Variants in LRRFIP2 observed in about 807,000 individuals in gnomAD.
LRRFIP2 encodes the protein leucine-rich repeat flightless-interacting protein 2.
A neutral mutation model predicts 125.9 loss-of-function variants in LRRFIP2; 109 were observed. That is an observed-to-expected ratio of 0.87 (90% CI 0.74 to 1.01). The LOEUF is 1.01. Among genes scored for constraint, LRRFIP2 ranks in the 50% least tolerant of loss-of-function variants. LRRFIP2 has a pLI of 0.00. For missense variants in LRRFIP2, 850 were observed against 862.3 expected, an observed-to-expected ratio of 0.99 and a Z score of 0.18; for synonymous variants, 291 against 293.1, an observed-to-expected ratio of 0.99 and a Z score of 0.07.
In LRRFIP2 at chr3:37,094,928, C is replaced by A; in HGVS notation, c.919-20G>T. 7.2e-7 allele frequency: 1 copy of A among 1,381,642 alleles called. No individual in the cohort carries two copies. Among genetic ancestry groups the A allele is most frequent in the South Asian group, 1.2e-5 (1 of 86,368 alleles). 85.6% of individuals were successfully genotyped at this position (1,381,642 alleles called of 1,614,324 possible). On this transcript the variant is annotated intron_variant, in intron 16 of 27. Transcript: ENST00000336686. ...TGAAGGCTAGAAAGAGAAATATGAC[C>A]CTTCTAAGTCTCATTTCTTTAAAAA... is the stretch of plus-strand genomic sequence containing the variant.
At chr3:37,069,385 T>A (rs2090754487) in intron 21 of LRRFIP2, among the ~76,000 whole-genome samples, 1 of 152,246 alleles carries the variant, frequency 6.6e-6, no homozygotes, top group South Asian at 2.1e-4. Flanking sequence ...GGAATATGAT[T>A]CAGCCTTAAA....
At chr3:37,086,045 A>G (rs945754029) in intron 18 of LRRFIP2, among the ~76,000 whole-genome samples, 1 of 152,232 alleles carries the variant, frequency 6.6e-6, no homozygotes, top group Non-Finnish European at 1.5e-5. Context: ...CACACAAATC[A>G]ATTTAAAAAT....
At chr3:37,065,789 A>G (rs2090009949) in intron 23 of LRRFIP2, 21 bp downstream of exon 23, 3 of 1,614,082 alleles carry the variant, frequency 1.9e-6, no homozygotes, top group South Asian at 1.1e-5. Context: ...ATCCAAGTCA[A>G]CATAGCAACC....
chr3:37,124,132 T>G (rs201562380), intron 4 of LRRFIP2, among the ~76,000 whole-genome samples: 13 of 152,158 alleles, frequency 8.5e-5, no homozygotes, highest in East Asian at 1.9e-4. Flanking sequence ...CATGGAAATA[T>G]TCTATATTTG....
At chr3:37,112,202 G>GGC (rs2094570006) in intron 8 of LRRFIP2, among the ~76,000 whole-genome samples, 1 of 152,018 alleles carries the variant, frequency 6.6e-6, no homozygotes, top group East Asian at 1.9e-4. Flanking sequence ...CAGGAAGAGT[G>GGC]GCACATGCCT....
intron 1 of LRRFIP2, among the ~76,000 whole-genome samples, chr3:37,168,553 TG>T (rs1459335363): frequency 2.0e-5 from 3 of 152,204 alleles, no homozygotes. Flanking sequence ...GGGCAGAGCT[TG>T]TTTAGGATGA....
chr3:37,094,936 G>A, intron 16 of LRRFIP2, 28 bp from the exon 17 acceptor site: 1 of 1,345,666 alleles, frequency 7.4e-7, no homozygotes, highest in Middle Eastern at 1.9e-4. Context: ...ACCCTTCTAA[G>A]TCTCATTTCT....
chr3:37,173,707 T>G (rs1210729695), intron 1 of LRRFIP2, among the ~76,000 whole-genome samples: 1 of 152,312 alleles, frequency 6.6e-6, no homozygotes, highest in East Asian at 1.9e-4. Flanking sequence ...AAGAATTATT[T>G]TTTTCTATAT....
chr3:37,088,155 A>G (rs548067832), intron 18 of LRRFIP2, among the ~76,000 whole-genome samples: 1 of 152,284 alleles, frequency 6.6e-6, no homozygotes, highest in Non-Finnish European at 1.5e-5. Flanking sequence ...TCACAACCCT[A>G]TGACCAAAAT....
chr3:37,071,821 C>A (rs1236017309), intron 21 of LRRFIP2, among the ~76,000 whole-genome samples: 1 of 152,144 alleles, frequency 6.6e-6, no homozygotes, highest in African/African-American at 2.4e-5. Flanking sequence ...TACTGTAGAA[C>A]AGAGAGCTCA....
At position 37,060,702 on chromosome 3, in the gene LRRFIP2, TA is replaced by T. The variant is rs1243811374; in HGVS notation, c.1750-1793del. 1.3e-5 allele frequency among the ~76,000 whole-genome samples: 2 copies of T among 152,086 alleles called. No individual in the cohort carries two copies. The highest frequency in any genetic ancestry group is 4.8e-5 in the African/African-American group (2 of 41,414). ...GCTGGTATTTTCCCTCCATCTTCCC[TA>T]AAAGTCCCAGGTCTTAATCTCGTCT... On this transcript the variant is annotated intron_variant, in intron 24 of 27. Transcript: ENST00000336686. The surrounding 1 kb of genome is among the most constrained non-coding windows in gnomAD (Gnocchi z 4.1).
Position 37,066,024 on chromosome 3 carries a change from G to T in LRRFIP2, c.1567-82C>A, listed in dbSNP as rs2090073251. On this transcript the variant is annotated intron_variant, in intron 22 of 27. Transcript: ENST00000336686. ...GTGAGGTCACTCTGCAACAATACAT[G>T]TTTGCTACAGGTAAAACCTGGTTAG... 6 of 1,560,740 alleles carry T rather than the reference G, an allele frequency of 3.8e-6. No homozygotes were observed. In the African/African-American group the frequency reaches 4.1e-5, roughly 11 times the overall value.
At position 37,096,640 on chromosome 3, in the gene LRRFIP2, T is replaced by C; in HGVS notation, c.894A>G (p.Lys298=). 6.4e-7 allele frequency: 1 copy of C among 1,568,280 alleles called. No individual in the cohort carries two copies. Among genetic ancestry groups the C allele is most frequent in the Non-Finnish European group, 8.7e-7 (1 of 1,147,030 alleles). ...CTCTTGTATAATTTTCAGCATACTGTTTGTCAGATTTTTCATCCAACTAGA... is the reference window on the plus strand; with the variant it reads ...CTCTTGTATAATTTTCAGCATACTGCTTGTCAGATTTTTCATCCAACTAGA... The part of the protein sequence containing the change: ...DLSSLDEKSD[K]QYAENYTRPS... The change falls in exon 16 of 28, where the codon AAA becomes AAG. Residue 298 remains lysine (K), a synonymous_variant. Coordinates refer to ENST00000336686, the MANE Select transcript of LRRFIP2 (RefSeq NM_006309.4).
intron 21 of LRRFIP2, among the ~76,000 whole-genome samples, chr3:37,069,275 G>GTT: frequency 6.6e-6 from 1 of 152,314 alleles, no homozygotes; most frequent in Middle Eastern, 3.4e-3. Flanking sequence ...GAGTCTTGAA[G>GTT]AGTTATTTGA....
chr3:37,138,618 C>T (rs2095617176), intron 2 of LRRFIP2, among the ~76,000 whole-genome samples: 1 of 152,304 alleles, frequency 6.6e-6, no homozygotes, highest in Non-Finnish European at 1.5e-5. Context: ...TAGTACCAAA[C>T]CCTATCCCAC....
At chr3:37,135,161 T>C in intron 2 of LRRFIP2, 1 of 1,095,240 alleles carries the variant, frequency 9.1e-7, no homozygotes. Flanking sequence ...TTTAAATTAC[T>C]GTTTAAAAAA....
At chr3:37,102,498 CTTT>C (rs751506380) in intron 15 of LRRFIP2, among the ~76,000 whole-genome samples, 6 of 120,878 alleles carry the variant, frequency 5.0e-5, no homozygotes, top group Non-Finnish European at 5.3e-5. Context: ...TCAAACAATT[CTTT>C]TTTTTTTTTT....
At chr3:37,072,561 A>C (rs928726787) in intron 21 of LRRFIP2, among the ~76,000 whole-genome samples, 2 of 152,000 alleles carry the variant, frequency 1.3e-5, no homozygotes, top group Non-Finnish European at 2.9e-5. Flanking sequence ...CTTCCTTTAA[A>C]AGTTCCTACT....
At chr3:37,056,234 GAA>G (rs1165848094) in intron 25 of LRRFIP2, among the ~76,000 whole-genome samples, 1 of 152,100 alleles carries the variant, frequency 6.6e-6, no homozygotes, top group Non-Finnish European at 1.5e-5. Flanking sequence ...CACTTAAAAT[GAA>G]AAGTTTAGAA....
Sources: allele counts gnomAD v4.1 joint callset (sites outside exome capture counted in the v4.1 genomes callset), GRCh38; gene constraint gnomAD v4.1.1; non-coding constraint Gnocchi (gnomAD v3.1); transcripts MANE v1.5; gene names NCBI Gene and HGNC (gene_info 2026-07-23, HGNC 2026-07-21).